Variants in UNC80 observed in about 807,000 individuals in gnomAD.
UNC80 encodes the protein unc-80 subunit of NALCN channel complex.
Under a neutral mutation model 384.6 loss-of-function variants are expected in UNC80, and 164 were observed. The ratio of observed to expected loss-of-function variants is 0.43; its 90% confidence interval spans 0.38 to 0.49. UNC80 has a LOEUF of 0.49. Ranked by LOEUF, UNC80 falls within the 20% of genes least tolerant of loss-of-function variation. UNC80 has a pLI of 0.00. For synonymous variants in UNC80, 1,486 were observed against 1,527.8 expected (o/e 0.97, Z 0.64); for missense variants, 3,330 against 4,143.0 (o/e 0.80, Z 5.39).
chr2:209,927,058 T>A, intron 36 of UNC80, 72 bp downstream of exon 36: 4 of 1,494,404 alleles, frequency 2.7e-6, no homozygotes, highest in Non-Finnish European at 3.6e-6. Context: ...AGTAGGTTGC[T>A]CTTAAACACA....
At position 209,916,284 on chromosome 2, in the gene UNC80, C is replaced by G. The variant is rs111960477; in HGVS notation, c.5030-1493C>G. On this transcript the variant is annotated intron_variant, in intron 31 of 64. Coordinates refer to ENST00000673920, the MANE Select transcript of UNC80 (RefSeq NM_001371986.1). The stretch of plus-strand genomic sequence containing the variant: ...CATCTAGAGGACCAGAGGAAGAAGC[C>G]CAGCCAGAAAAAGTGATCAGAAAAG... Among the ~76,000 whole-genome samples, 304 of 152,052 alleles carry G rather than the reference C, an allele frequency of 2.0e-3. 1 individual carries two copies. The highest frequency in any genetic ancestry group is 7.1e-3 in the African/African-American group (293 of 41,462).
At chr2:209,784,823 T>C (rs979497327) in intron 4 of UNC80, among the ~76,000 whole-genome samples, 3 of 152,244 alleles carry the variant, frequency 2.0e-5, no homozygotes, top group Non-Finnish European at 2.9e-5. Context: ...AGAATGAATT[T>C]AGCCAAATGC....
intron 2 of UNC80, among the ~76,000 whole-genome samples, chr2:209,774,471 T>C (rs926575004): frequency 1.3e-5 from 2 of 152,098 alleles, no homozygotes; most frequent in African/African-American, 4.8e-5. Flanking sequence ...CGTTAATAGA[T>C]AGGGATAGAT....
rs1335365932 is a variant in UNC80, at chr2:209,992,563, C to G, written c.9396+316C>G. Among the ~76,000 whole-genome samples, 3 of 152,094 alleles carry G rather than the reference C, an allele frequency of 2.0e-5. No homozygotes were observed. The South Asian group carries it at 6.2e-4, about 32-fold the overall frequency. Reference sequence around the variant, plus strand: ...AAAACGTGGTAAGTACTTAGGCAAGCCAAATGTTTCGATCTTCTATTTTAG... The same window carrying G: ...AAAACGTGGTAAGTACTTAGGCAAGGCAAATGTTTCGATCTTCTATTTTAG... On this transcript the variant is annotated intron_variant, in intron 62 of 64. Coordinates refer to ENST00000673920, the MANE Select transcript of UNC80 (RefSeq NM_001371986.1).
At chr2:209,836,461 G>T (rs1252247891) in intron 18 of UNC80, among the ~76,000 whole-genome samples, 1 of 152,158 alleles carries the variant, frequency 6.6e-6, no homozygotes, top group South Asian at 2.1e-4. Flanking sequence ...ATATTTCTAG[G>T]TTATTAAGTT....
At chr2:209,936,640 A>G (rs991180177) in intron 40 of UNC80, among the ~76,000 whole-genome samples, 1 of 150,248 alleles carries the variant, frequency 6.7e-6, no homozygotes. Context: ...ATATATGTGT[A>G]TATATATATG....
intron 48 of UNC80, 68 bp downstream of exon 48, chr2:209,954,338 A>G (rs895771578): frequency 9.6e-6 from 13 of 1,360,906 alleles, no homozygotes; most frequent in African/African-American, 2.9e-5. Flanking sequence ...AAAAAATAAG[A>G]AAAAAATGTG....
intron 22 of UNC80, among the ~76,000 whole-genome samples, chr2:209,861,191 C>T (rs557858985): frequency 2.4e-4 from 37 of 152,106 alleles, no homozygotes; most frequent in African/African-American, 9.6e-5. Context: ...GGTTTGTCAT[C>T]GATAGCTCTT....
chr2:209,883,054 ACGTT>A (rs1257206493), intron 25 of UNC80, among the ~76,000 whole-genome samples: 1 of 152,118 alleles, frequency 6.6e-6, no homozygotes, highest in Non-Finnish European at 1.5e-5. Context: ...GTTAATGTGT[ACGTT>A]TGTGTATTGT....
At chr2:209,796,309 A>G (rs944946685) in intron 7 of UNC80, 1 of 152,186 alleles carries the variant, frequency 6.6e-6, no homozygotes, top group Non-Finnish European at 1.5e-5. Flanking sequence ...CCCCCATTGT[A>G]TCTAGGAAGT....
chr2:209,952,617 A>G (rs1248786313), intron 47 of UNC80, among the ~76,000 whole-genome samples: 1 of 152,186 alleles, frequency 6.6e-6, no homozygotes, highest in Non-Finnish European at 1.5e-5. Context: ...TGCCTGGAAA[A>G]AAAAGAGTGC....
intron 56 of UNC80, among the ~76,000 whole-genome samples, chr2:209,975,205 A>G (rs1213143736): frequency 6.6e-6 from 1 of 152,164 alleles, no homozygotes; most frequent in African/African-American, 2.4e-5. Context: ...TGTGTTTAGT[A>G]TACACATTTT....
intron 62 of UNC80, among the ~76,000 whole-genome samples, chr2:209,992,629 G>A (rs1163242276): frequency 6.6e-6 from 1 of 152,194 alleles, no homozygotes; most frequent in Admixed American, 6.5e-5. Flanking sequence ...ATGTGGTAAA[G>A]TAAGTGGGGC....
At chr2:209,851,838 C>G (rs1262139074) in intron 22 of UNC80, among the ~76,000 whole-genome samples, 2 of 152,036 alleles carry the variant, frequency 1.3e-5, no homozygotes, top group South Asian at 4.2e-4. Context: ...TCTTCCAAGC[C>G]CTTCAGTTTT....
chr2:209,944,590 C>T (rs2091820816), intron 45 of UNC80, among the ~76,000 whole-genome samples: 1 of 152,026 alleles, frequency 6.6e-6, no homozygotes, highest in Non-Finnish European at 1.5e-5. Context: ...TATTTAAAGC[C>T]ATTTTAAATA....
At chr2:209,829,114 A>G in intron 14 of UNC80, 118 bp from the exon 15 acceptor site, 2 of 1,242,666 alleles carry the variant, frequency 1.6e-6, no homozygotes, top group Non-Finnish European at 2.2e-6. Flanking sequence ...GTTGCCTGTC[A>G]CCAGCGAGTG....
intron 28 of UNC80, among the ~76,000 whole-genome samples, chr2:209,903,515 ATATATATAC>A (rs1194726626): frequency 5.1e-4 from 34 of 66,534 alleles, no homozygotes; most frequent in South Asian, 1.2e-3. Context: ...TATATATGTA[ATATATATAC>A]TATATATATT....
chr2:209,973,375 G>T, intron 56 of UNC80, 105 bp downstream of exon 56: 2 of 1,115,342 alleles, frequency 1.8e-6, no homozygotes, highest in Non-Finnish European at 2.5e-6. Context: ...GATGTACTTA[G>T]TTAAGTTCCA....
At chr2:209,835,534 A>G (rs1261586606) in intron 18 of UNC80, among the ~76,000 whole-genome samples, 2 of 152,220 alleles carry the variant, frequency 1.3e-5, no homozygotes, top group African/African-American at 4.8e-5. Context: ...TACACTTTTC[A>G]TAATGGAAAA....
Sources: gnomAD v4.1 joint callset for allele counts (sites outside exome capture counted in the v4.1 genomes callset) on GRCh38, gnomAD v4.1.1 for gene constraint, MANE v1.5 for transcripts, NCBI Gene and HGNC (gene_info 2026-07-23, HGNC 2026-07-21) for gene names.